The following DDX19B variants were observed in gnomAD, a reference collection of about 807,000 sequenced individuals.
DDX19B encodes the protein DEAD-box helicase 19B.
In DDX19B, 27 loss-of-function variants were observed where a neutral mutation model predicts 58.1. That is an observed-to-expected ratio of 0.46 (90% CI 0.34 to 0.64). The LOEUF is 0.64. Ranked by LOEUF, DDX19B falls within the 30% of genes least tolerant of loss-of-function variation. The pLI is 0.01. For missense variants in DDX19B, 399 were observed against 596.5 expected (o/e 0.67, Z 3.45); for synonymous variants, 187 against 214.4 (o/e 0.87, Z 1.12).
chr16:70,329,175 A>T, intron 7 of DDX19B, 117 bp from the exon 8 acceptor site: 1 of 1,385,098 alleles, frequency 7.2e-7, no homozygotes, highest in African/African-American at 1.5e-5. Flanking sequence ...GTGAGTCGAG[A>T]TCATGCCATT....
chr16:70,292,090 T>C (rs1015867380), upstream of DDX19B, among the ~76,000 whole-genome samples: 2 of 150,840 alleles, frequency 1.3e-5, no homozygotes, highest in Non-Finnish European at 3.0e-5. Context: ...AGCTGAAGGC[T>C]TCAGTGAGCT....
At chr16:70,307,695 A>G (rs1285346153) in intron 1 of DDX19B, among the ~76,000 whole-genome samples, 11 of 146,228 alleles carry the variant, frequency 7.5e-5, no homozygotes, top group African/African-American at 2.4e-4. Flanking sequence ...GTGTGTGTGT[A>G]TGTATATATG....
At position 70,329,818 on chromosome 16, in the gene DDX19B, C is replaced by A. The variant is rs764955859; in HGVS notation, c.786-13C>A. 45 of 1,613,882 alleles carry A rather than the reference C, an allele frequency of 2.8e-5. No homozygotes were observed. Among genetic ancestry groups the A allele is most frequent in the Non-Finnish European group, 3.7e-5 (44 of 1,179,928 alleles). On this transcript the variant is annotated splice_polypyrimidine_tract_variant and intron_variant, in intron 8 of 11. Transcript: ENST00000288071. ...GGCCACCTGGGGCCACCTACCAGGG[C>A]CTTCCCTTGCAGGATGCTGCCCAGG...
chr16:70,325,200 T>C (rs185391270), intron 6 of DDX19B, among the ~76,000 whole-genome samples: 3 of 152,330 alleles, frequency 2.0e-5, no homozygotes, highest in African/African-American at 4.8e-5. Context: ...GGATGCTTCT[T>C]ACAGGCTTGG....
chr16:70,319,657 G>A (rs1011082128), intron 5 of DDX19B: 1 of 151,304 alleles, frequency 6.6e-6, no homozygotes, highest in African/African-American at 2.4e-5. Context: ...TTGAGAGGCC[G>A]AGGCAGGCAG....
chr16:70,299,506 C>A, intron 1 of DDX19B, 152 bp downstream of exon 1: 1 of 916,052 alleles, frequency 1.1e-6, no homozygotes, highest in Non-Finnish European at 1.5e-6. Flanking sequence ...GCTTTGTTTA[C>A]GCAGCCGCCT....
chr16:70,317,207 CAA>C (rs562635193), intron 4 of DDX19B: 786 of 54,406 alleles, frequency 0.014, no homozygotes, highest in South Asian at 0.059. Context: ...GACTCTGTCT[CAA>C]AAAAAAAAAA....
chr16:70,307,245 T>C (rs1170673734), intron 1 of DDX19B, among the ~76,000 whole-genome samples: 3 of 152,244 alleles, frequency 2.0e-5, no homozygotes, highest in Non-Finnish European at 4.4e-5. Flanking sequence ...GAAGTGGGAC[T>C]GCTGGATTAT....
rs1193916628 is a variant in DDX19B at position 70,306,162 on chromosome 16, T to C, written c.58-6447T>C. ...TTGTTGTTGTTGTTTGTTGTTGTTG[T>C]TGTTTTTGAAATAGAGTCTTACTTT... On this transcript the variant is annotated intron_variant, in intron 1 of 11. Coordinates refer to ENST00000288071, the MANE Select transcript of DDX19B (RefSeq NM_007242.7). Among the ~76,000 whole-genome samples, 8 of 152,012 alleles carry C rather than the reference T, an allele frequency of 5.3e-5. No individual in the cohort carries two copies. The Admixed American group carries it at 5.3e-4, about 10-fold the overall frequency.
At chr16:70,296,303 A>AT (rs56858222), upstream of DDX19B, among the ~76,000 whole-genome samples, 568 of 142,694 alleles carry the variant, frequency 4.0e-3, 5 homozygotes, top group African/African-American at 0.012. Context: ...ACCTGGCCAC[A>AT]TTTTTTTTTT....
upstream of DDX19B, among the ~76,000 whole-genome samples, chr16:70,292,148 G>C (rs558257146): frequency 1.5e-4 from 23 of 152,134 alleles, no homozygotes; most frequent in East Asian, 3.9e-3. Context: ...CAAGACCCTT[G>C]TCTCTCTCTC....
At chr16:70,290,932 T>A (rs1214373971), upstream of DDX19B, among the ~76,000 whole-genome samples, 1 of 152,208 alleles carries the variant, frequency 6.6e-6, no homozygotes, top group African/African-American at 2.4e-5. Flanking sequence ...TCATCTGATA[T>A]ATCCAAATAC....
chr16:70,314,302 G>A (rs1296334698), intron 2 of DDX19B, among the ~76,000 whole-genome samples: 1 of 152,094 alleles, frequency 6.6e-6, no homozygotes, highest in Non-Finnish European at 1.5e-5. Flanking sequence ...TATTTAAGAA[G>A]TATTGATTCA....
At chr16:70,296,271 G>A (rs1961217693), upstream of DDX19B, among the ~76,000 whole-genome samples, 1 of 151,680 alleles carries the variant, frequency 6.6e-6, no homozygotes, top group Non-Finnish European at 1.5e-5. Flanking sequence ...AAACTGCTGG[G>A]ATTACAGGCG....
intron 2 of DDX19B, among the ~76,000 whole-genome samples, chr16:70,314,649 G>A (rs1962272063): frequency 6.6e-6 from 1 of 152,018 alleles, no homozygotes; most frequent in African/African-American, 2.4e-5. Flanking sequence ...GGGCGACAGA[G>A]CGAGACTCCA....
At chr16:70,329,651 A>T (rs544288688) in intron 8 of DDX19B, among the ~76,000 whole-genome samples, 180 bp from the exon 9 acceptor site, 7 of 152,190 alleles carry the variant, frequency 4.6e-5, no homozygotes, top group Non-Finnish European at 7.4e-5. Flanking sequence ...GGGTTGAGAA[A>T]GGAGACCTAG....
chr16:70,333,808 A>C lies in DDX19B; in HGVS notation c.*226A>C. 1 of 635,486 alleles carries C rather than the reference A, an allele frequency of 1.6e-6. No individual in the cohort carries two copies. The highest frequency in any genetic ancestry group is 4.3e-4 in the Middle Eastern group (1 of 2,304). 39.4% of individuals were successfully genotyped at this position (635,486 alleles called of 1,614,324 possible). Reference sequence around the variant, plus strand: ...ACCTTGGAAGATTAGGCATGAATACACAGAGATTTACCTTTTGGAAGTTTC... The same window carrying C: ...ACCTTGGAAGATTAGGCATGAATACCCAGAGATTTACCTTTTGGAAGTTTC... On this transcript the variant is annotated 3_prime_UTR_variant, in exon 12 of 12. Coordinates refer to ENST00000288071, the MANE Select transcript of DDX19B (RefSeq NM_007242.7).
At chr16:70,316,249 GC>G in intron 4 of DDX19B, 145 bp downstream of exon 4, 1 of 1,206,484 alleles carries the variant, frequency 8.3e-7, no homozygotes, top group Non-Finnish European at 1.1e-6. Flanking sequence ...TCACTCTGTT[GC>G]CCAGGCTGGA....
At chr16:70,294,910 T>C (rs1388057879), upstream of DDX19B, 2 of 1,524,612 alleles carry the variant, frequency 1.3e-6, no homozygotes, top group Non-Finnish European at 8.8e-7. Flanking sequence ...ACCCTGCCTG[T>C]GGGCGACGTG....
Sources: allele counts gnomAD v4.1 joint callset (sites outside exome capture counted in the v4.1 genomes callset), GRCh38; gene constraint gnomAD v4.1.1; transcripts MANE v1.5; gene names NCBI Gene and HGNC (gene_info 2026-07-23, HGNC 2026-07-21).